Variants in PEMT observed in about 807,000 individuals in gnomAD.
PEMT encodes the protein phosphatidylethanolamine N-methyltransferase.
A neutral mutation model predicts 27.4 loss-of-function variants in PEMT; 23 were observed. The observed-to-expected ratio is 0.84, with a 90% CI of 0.60 to 1.19. PEMT has a LOEUF of 1.19. Ranked by LOEUF, PEMT falls within the 50% of genes most tolerant of loss-of-function variation. The pLI is 0.00. For synonymous variants in PEMT, 137 were observed against 139.1 expected, an observed-to-expected ratio of 0.98 and a Z score of 0.11; for missense variants, 307 against 310.1, an observed-to-expected ratio of 0.99 and a Z score of 0.07.
chr17:17,556,237 T>G (rs976825892), intron 2 of PEMT, among the ~76,000 whole-genome samples: 2 of 152,214 alleles, frequency 1.3e-5, no homozygotes, highest in African/African-American at 4.8e-5. Flanking sequence ...AGAGCAGCCC[T>G]GCGAGGCAGC....
chr17:17,571,862 G>C (rs1406576617), intron 2 of PEMT, among the ~76,000 whole-genome samples: 2 of 152,070 alleles, frequency 1.3e-5, no homozygotes, highest in African/African-American at 4.8e-5. Flanking sequence ...ACCACACCTG[G>C]CTAAATTTTG....
rs70963004 is a variant in PEMT, at chr17:17,521,290, G to A, written c.320+990C>T. ...GTCCATGTTTAGTCCATGAGCTGCC[G>A]TGCGCAATGATTCTCAGGGTACTGT... On this transcript the variant is annotated intron_variant, in intron 3 of 6. Transcript: ENST00000255389. Among the ~76,000 whole-genome samples, 1,386 of 152,312 alleles carry A rather than the reference G, an allele frequency of 9.1e-3. 28 individuals are homozygous for A. The highest frequency in any genetic ancestry group is 0.031 in the African/African-American group (1,306 of 41,562).
In PEMT at chr17:17,512,901, G is replaced by A. The variant is rs903628147; in HGVS notation, c.321-247C>T. Among the ~76,000 whole-genome samples the A allele has an allele frequency of 6.6e-6, 1 of 152,202 alleles. No individual in the cohort carries two copies. The highest frequency in any genetic ancestry group is 1.5e-5 in the Non-Finnish European group (1 of 68,042). ...CAAGAGAAGCCAGAAATCCTGACTC[G>A]TATGTGAAATATCCTAATTTTTAGA... On this transcript the variant is annotated intron_variant, in intron 3 of 6. Transcript: ENST00000255389. The surrounding 1 kb of genome is among the most constrained non-coding windows in gnomAD (Gnocchi z 6.3).
At chr17:17,564,103 G>A (rs773008385) in intron 2 of PEMT, among the ~76,000 whole-genome samples, 9 of 152,200 alleles carry the variant, frequency 5.9e-5, no homozygotes, top group South Asian at 2.1e-4. Flanking sequence ...GCCCCAGGGC[G>A]GAGGCATGGG....
chr17:17,563,258 C>A (rs35838363), intron 2 of PEMT, among the ~76,000 whole-genome samples: 16,143 of 152,186 alleles, frequency 0.11, 1,364 homozygotes, highest in African/African-American at 0.24. Context: ...CCCAGGGAGG[C>A]TTCCTGACCT....
intron 5 of PEMT, chr17:17,507,539 A>AT: frequency 3.2e-6 from 1 of 311,388 alleles, no homozygotes; most frequent in Non-Finnish European, 6.0e-6. Context: ...CTCCAACCCC[A>AT]GGCCTGGCAA....
chr17:17,524,412 G>C (rs1422349298), intron 2 of PEMT, among the ~76,000 whole-genome samples: 1 of 152,092 alleles, frequency 6.6e-6, no homozygotes, highest in Non-Finnish European at 1.5e-5. Context: ...GAAGATTCTA[G>C]TTTCTCCACA....
At chr17:17,538,737 C>T (rs1908671401) in intron 2 of PEMT, among the ~76,000 whole-genome samples, 1 of 152,162 alleles carries the variant, frequency 6.6e-6, no homozygotes, top group African/African-American at 2.4e-5. Flanking sequence ...TACAAAGCAA[C>T]TGAAAAAGTA....
chr17:17,586,296 A>AAGAAAG (rs2069109496), intron 1 of PEMT, among the ~76,000 whole-genome samples: 2 of 141,950 alleles, frequency 1.4e-5, no homozygotes, highest in Non-Finnish European at 3.1e-5. Flanking sequence ...AAGAAAAAAA[A>AAGAAAG]AAACGCAGGT....
At chr17:17,557,536 G>C (rs1225074476) in intron 2 of PEMT, among the ~76,000 whole-genome samples, 1 of 152,250 alleles carries the variant, frequency 6.6e-6, no homozygotes, top group Non-Finnish European at 1.5e-5. Flanking sequence ...GGATGCCTAA[G>C]CAGGTCCCTG....
At chr17:17,552,885 G>A (rs771438106) in intron 2 of PEMT, among the ~76,000 whole-genome samples, 1 of 152,168 alleles carries the variant, frequency 6.6e-6, no homozygotes, top group Non-Finnish European at 1.5e-5. Context: ...TGAACACACT[G>A]CTCCCTGCAT....
At chr17:17,544,695 C>T (rs1909130415) in intron 2 of PEMT, among the ~76,000 whole-genome samples, 1 of 152,204 alleles carries the variant, frequency 6.6e-6, no homozygotes, top group South Asian at 2.1e-4. Context: ...CCAGCTCTGG[C>T]TTCCTTTAGT....
At chr17:17,579,603 G>A (rs781664196) in intron 1 of PEMT, among the ~76,000 whole-genome samples, 1 of 152,162 alleles carries the variant, frequency 6.6e-6, no homozygotes, top group Admixed American at 6.5e-5. Context: ...ACTTGAACCC[G>A]GGAGGTGGGA....
At chr17:17,550,293 C>T (rs552819059) in intron 2 of PEMT, among the ~76,000 whole-genome samples, 2 of 152,324 alleles carry the variant, frequency 1.3e-5, no homozygotes, top group African/African-American at 4.8e-5. Flanking sequence ...TGCTGCCGCT[C>T]GGTTTCTCTG....
intron 2 of PEMT, among the ~76,000 whole-genome samples, chr17:17,539,555 T>C (rs1409299796): frequency 6.6e-6 from 1 of 152,210 alleles, no homozygotes; most frequent in Admixed American, 6.5e-5. Flanking sequence ...GATTCTTTGG[T>C]GTGGACGTGC....
At chr17:17,590,698 C>A (rs1912543824) in intron 1 of PEMT, among the ~76,000 whole-genome samples, 1 of 152,218 alleles carries the variant, frequency 6.6e-6, no homozygotes, top group South Asian at 2.1e-4. Context: ...GGATTAGAAG[C>A]TGCTTGGGGC....
At chr17:17,539,782 G>A (rs1908751615) in intron 2 of PEMT, among the ~76,000 whole-genome samples, 1 of 152,226 alleles carries the variant, frequency 6.6e-6, no homozygotes, top group African/African-American at 2.4e-5. Flanking sequence ...AAGTATCAAG[G>A]CATCCGGCCT....
At chr17:17,577,215 C>T (rs1356096687) in intron 1 of PEMT, among the ~76,000 whole-genome samples, 188 bp from the exon 2 acceptor site, 3 of 152,210 alleles carry the variant, frequency 2.0e-5, no homozygotes, top group African/African-American at 7.2e-5. Context: ...TGAGCTGTGT[C>T]ATGTCCTGGG....
intron 1 of PEMT, among the ~76,000 whole-genome samples, chr17:17,583,626 G>C (rs1912090339): frequency 6.6e-6 from 1 of 152,160 alleles, no homozygotes; most frequent in Non-Finnish European, 1.5e-5. Context: ...GGGGTGATGA[G>C]ACAGGCCACC....
Sources: allele counts gnomAD v4.1 joint callset (sites outside exome capture counted in the v4.1 genomes callset), GRCh38; gene constraint gnomAD v4.1.1; non-coding constraint Gnocchi (gnomAD v3.1); transcripts MANE v1.5; gene names NCBI Gene and HGNC (gene_info 2026-07-23, HGNC 2026-07-21).